The following CFAP77 variants were observed in gnomAD, a reference collection of about 807,000 sequenced individuals.
The protein encoded by CFAP77 is cilia and flagella associated protein 77.
A neutral mutation model predicts 31.1 loss-of-function variants in CFAP77; 25 were observed. The ratio of observed to expected loss-of-function variants is 0.80; its 90% CI spans 0.59 to 1.12. The LOEUF is 1.12. CFAP77 is among the 50% of genes most tolerant of loss of function. CFAP77 has a pLI of 0.00. For missense variants in CFAP77, 377 were observed against 397.3 expected (o/e 0.95, Z 0.44); for synonymous variants, 151 against 159.9 (o/e 0.94, Z 0.42).
At position 132,506,075 on chromosome 9, in the gene CFAP77, C is replaced by T. The variant is rs80213758; in HGVS notation, c.524+6475C>T. Among the ~76,000 whole-genome samples the T allele has an allele frequency of 2.9e-3, 442 of 152,354 alleles. 1 individual carries two copies. Among genetic ancestry groups the T allele is most frequent in the Non-Finnish European group, 4.2e-3 (287 of 68,036 alleles). Reference sequence around the variant, plus strand: ...GGCAAGGGCCCTCCCCGAGGCGTTACGGTGCAGAGCCCGGATTTCTATCCA... The same window carrying T: ...GGCAAGGGCCCTCCCCGAGGCGTTATGGTGCAGAGCCCGGATTTCTATCCA... On this transcript the variant is annotated intron_variant, in intron 3 of 5. Transcript: ENST00000393216.
At chr9:132,438,541 A>ATATATATATTTT in intron 1 of CFAP77, among the ~76,000 whole-genome samples, 2 of 108,154 alleles carry the variant, frequency 1.8e-5, no homozygotes, top group African/African-American at 8.1e-5. Flanking sequence ...ATATATATAT[A>ATATATATATTTT]TTTTTTTTTT....
chr9:132,482,262 C>T (rs369992294), intron 1 of CFAP77: 10 of 1,376,642 alleles, frequency 7.3e-6, no homozygotes, highest in Non-Finnish European at 9.3e-6. Context: ...TGACCCTTGA[C>T]AGCTAAACTG....
At chr9:132,570,372 C>T (rs1235442666) in intron 5 of CFAP77, among the ~76,000 whole-genome samples, 1 of 152,190 alleles carries the variant, frequency 6.6e-6, no homozygotes, top group African/African-American at 2.4e-5. Flanking sequence ...TTGGGCTGGG[C>T]TCAGGCCTCT....
At chr9:132,410,656 C>T (rs930116157) in intron 1 of CFAP77, among the ~76,000 whole-genome samples, 190 bp downstream of exon 1, 1 of 152,204 alleles carries the variant, frequency 6.6e-6, no homozygotes, top group South Asian at 2.1e-4. Flanking sequence ...CTCGGTTTCC[C>T]CATCCTCACA....
At chr9:132,519,680 ATGAGTGGG>A (rs1852229035) in intron 3 of CFAP77, among the ~76,000 whole-genome samples, 1 of 34,694 alleles carries the variant, frequency 2.9e-5, no homozygotes, top group African/African-American at 1.2e-4. Context: ...GGATGGATGG[ATGAGTGGG>A]TGGGTGGATG....
intron 1 of CFAP77, among the ~76,000 whole-genome samples, chr9:132,482,976 A>T (rs11243794): frequency 0.2 from 28,707 of 145,880 alleles, 3,265 homozygotes; most frequent in African/African-American, 0.31. Flanking sequence ...AAAAAAAAAG[A>T]ACGCACCCTT....
At chr9:132,549,811 C>CT (rs1237922965) in intron 5 of CFAP77, among the ~76,000 whole-genome samples, 1 of 151,004 alleles carries the variant, frequency 6.6e-6, no homozygotes, top group Non-Finnish European at 1.5e-5. Context: ...TACACTCCAG[C>CT]CTGGGTGACA....
chr9:132,465,275 C>T (rs1851133223), intron 1 of CFAP77, among the ~76,000 whole-genome samples: 1 of 152,052 alleles, frequency 6.6e-6, no homozygotes, highest in African/African-American at 2.4e-5. Flanking sequence ...TGGGTACTCT[C>T]TTCTACTGAA....
At chr9:132,484,668 T>C (rs967268092) in intron 1 of CFAP77, among the ~76,000 whole-genome samples, 3 of 152,184 alleles carry the variant, frequency 2.0e-5, no homozygotes, top group Non-Finnish European at 4.4e-5. Context: ...CTGTTGGCTA[T>C]TGTGAATAAC....
In CFAP77 at chr9:132,560,761, C is replaced by T. The variant is rs560465154; in HGVS notation, c.733-11627C>T. Among the ~76,000 whole-genome samples, 515 of 152,160 alleles carry T rather than the reference C, an allele frequency of 3.4e-3. 4 individuals are homozygous for T. Among genetic ancestry groups the T allele is most frequent in the African/African-American group, 0.012 (502 of 41,520 alleles). ...CTCCTCCTTTGTCAAACCAATGGTC[C>T]CCCGCCCCATCCCCTCAAGGTCGCT... On this transcript the variant is annotated intron_variant, in intron 5 of 5. Transcript: ENST00000393216.
chr9:132,465,259 C>G (rs902679123), intron 1 of CFAP77, among the ~76,000 whole-genome samples: 1 of 151,922 alleles, frequency 6.6e-6, no homozygotes, highest in Admixed American at 6.6e-5. Flanking sequence ...CTATGGAGTT[C>G]GATTTTGGGT....
At chr9:132,428,461 A>G (rs1850352427) in intron 1 of CFAP77, among the ~76,000 whole-genome samples, 1 of 152,210 alleles carries the variant, frequency 6.6e-6, no homozygotes, top group Middle Eastern at 3.4e-3. Context: ...TAAAAATACA[A>G]AAAATTAGCT....
At chr9:132,516,642 G>A (rs1852152385) in intron 3 of CFAP77, among the ~76,000 whole-genome samples, 2 of 151,390 alleles carry the variant, frequency 1.3e-5, no homozygotes, top group Admixed American at 1.3e-4. Context: ...CGAAATCAGG[G>A]AAATCTGAAT....
At chr9:132,445,868 C>CA (rs559749361) in intron 1 of CFAP77, among the ~76,000 whole-genome samples, 5,356 of 64,008 alleles carry the variant, frequency 0.084, 255 homozygotes, top group African/African-American at 0.22. Context: ...GACTCGATCT[C>CA]AAAAAAAAAA....
chr9:132,500,510 A>T (rs1425560431), intron 3 of CFAP77, among the ~76,000 whole-genome samples: 3 of 152,042 alleles, frequency 2.0e-5, no homozygotes, highest in Non-Finnish European at 2.9e-5. Flanking sequence ...TGAAATTTTT[A>T]AAATTTTTTA....
At position 132,424,810 on chromosome 9, in the gene CFAP77, A is replaced by T. The variant is rs548631171; in HGVS notation, c.195+14344A>T. ...CAGGATGGCTGGGGGCAAAACCTCC[A>T]TCAAGGCTGAGCAGAGCGGCCTCCC... On this transcript the variant is annotated intron_variant, in intron 1 of 5. Coordinates refer to ENST00000393216, the MANE Select transcript of CFAP77 (RefSeq NM_001282957.2). The surrounding 1 kb of genome is among the most constrained non-coding windows in gnomAD (Gnocchi z 4.1). Among the ~76,000 whole-genome samples the T allele has an allele frequency of 6.2e-4, 94 of 152,344 alleles. No individual in the cohort carries two copies. The highest frequency in any genetic ancestry group is 2.2e-3 in the African/African-American group (91 of 41,574).
intron 5 of CFAP77, among the ~76,000 whole-genome samples, chr9:132,563,674 A>G (rs1829852090): frequency 6.6e-6 from 1 of 152,208 alleles, no homozygotes; most frequent in Non-Finnish European, 1.5e-5. Flanking sequence ...TAGGGTGTAC[A>G]TGTGGCCAGC....
intron 3 of CFAP77, among the ~76,000 whole-genome samples, chr9:132,524,419 G>A (rs1247187977): frequency 6.6e-6 from 1 of 151,462 alleles, no homozygotes; most frequent in Non-Finnish European, 1.5e-5. Flanking sequence ...GGCCAACATG[G>A]CGAAACCCTG....
intron 1 of CFAP77, among the ~76,000 whole-genome samples, chr9:132,447,061 C>A (rs1453378310): frequency 2.0e-5 from 3 of 152,070 alleles, no homozygotes; most frequent in Non-Finnish European, 4.4e-5. Context: ...GCCCAGTTCT[C>A]CCATTTTCCA....
Sources: allele counts gnomAD v4.1 joint callset (sites outside exome capture counted in the v4.1 genomes callset), GRCh38; gene constraint gnomAD v4.1.1; non-coding constraint Gnocchi (gnomAD v3.1); transcripts MANE v1.5; gene names NCBI Gene and HGNC (gene_info 2026-07-23, HGNC 2026-07-21).